The following IPMK variants were observed in gnomAD, a reference collection of about 807,000 sequenced individuals.
IPMK encodes inositol polyphosphate multikinase.
In IPMK, 17 loss-of-function variants were observed where a neutral mutation model predicts 45.8. The observed-to-expected ratio is 0.37, with a 90% CI of 0.25 to 0.56. The LOEUF (loss-of-function observed/expected upper bound fraction) is 0.56. Among genes scored for constraint, IPMK ranks in the 20% least tolerant of loss-of-function variants. The probability of loss-of-function intolerance (pLI) is 0.79; values close to 1 mark genes in which losing one functional copy is unlikely to be tolerated. For synonymous variants in IPMK, 180 were observed against 184.3 expected, an observed-to-expected ratio of 0.98 and a Z score of 0.19; for missense variants, 399 against 498.0, an observed-to-expected ratio of 0.80 and a Z score of 1.89.
At chr10:58,220,101 C>A (rs1426249545) in intron 3 of IPMK, among the ~76,000 whole-genome samples, 1 of 152,166 alleles carries the variant, frequency 6.6e-6, no homozygotes, top group African/African-American at 2.4e-5. Context: ...CTTGGTCAGT[C>A]TTGCCAATTT....
At chr10:58,224,632 C>T (rs1212330546) in intron 3 of IPMK, among the ~76,000 whole-genome samples, 1 of 152,108 alleles carries the variant, frequency 6.6e-6, no homozygotes, top group Admixed American at 6.5e-5. Context: ...TCTTATTCTT[C>T]AAATTATTAT....
In IPMK at chr10:58,193,645, A is replaced by G. The variant is rs1273045189; in HGVS notation, c.*2431T>C. On this transcript the variant is annotated 3_prime_UTR_variant, in exon 6 of 6. Transcript: ENST00000373935. ...AGTCCTTTTTAAATGAGTGTATTCCATAAGAAATACACTAAAATCATTACT... is the reference window on the plus strand; with the variant it reads ...AGTCCTTTTTAAATGAGTGTATTCCGTAAGAAATACACTAAAATCATTACT... 6.6e-6 allele frequency: 1 copy of G among 151,846 alleles called. No individual in the cohort carries two copies. Among genetic ancestry groups the G allele is most frequent in the Admixed American group, 6.6e-5 (1 of 15,252 alleles). 9.4% of individuals were successfully genotyped at this position (151,846 alleles called of 1,614,324 possible). A position where few individuals can be genotyped will look rare whatever the true frequency, so the allele number is the denominator to read the frequency against.
chr10:58,196,364 G>A lies in IPMK; in HGVS notation c.963C>T (p.His321=), dbSNP rs1329357485. 1 of 1,614,030 alleles carries A rather than the reference G, an allele frequency of 6.2e-7. No individual in the cohort carries two copies. The highest frequency in any genetic ancestry group is 1.6e-4 in the Middle Eastern group (1 of 6,062). The change falls in exon 6 of 6, where the codon CAC becomes CAT. Residue 321 remains histidine, a synonymous_variant. Transcript: ENST00000373935. ...GATGCTTTTTTGTATATATTTTCCT[G>A]TGACGCGCATACATCTTGGACAAGC... The part of the protein sequence containing the change: ...GKSLSKMYAR[H]RKIYTKKHHS...
chr10:58,215,947 G>A (rs906074142), intron 4 of IPMK, among the ~76,000 whole-genome samples, 198 bp downstream of exon 4: 3 of 151,510 alleles, frequency 2.0e-5, no homozygotes, highest in Non-Finnish European at 2.9e-5. Flanking sequence ...CCGAACCAGA[G>A]AAACTGACCA....
At chr10:58,236,594 T>C (rs775554510) in intron 2 of IPMK, among the ~76,000 whole-genome samples, 6 of 152,180 alleles carry the variant, frequency 3.9e-5, no homozygotes, top group Non-Finnish European at 8.8e-5. Context: ...TATTCACTCA[T>C]GCATTAAATT....
chr10:58,239,548 C>T (rs879348149), intron 1 of IPMK, among the ~76,000 whole-genome samples: 10 of 152,058 alleles, frequency 6.6e-5, no homozygotes, highest in South Asian at 2.1e-4. Context: ...ATCAGCCAAG[C>T]GGTAGACAAC....
At chr10:58,198,533 A>G (rs991177372) in intron 5 of IPMK, among the ~76,000 whole-genome samples, 1 of 152,224 alleles carries the variant, frequency 6.6e-6, no homozygotes, top group Non-Finnish European at 1.5e-5. Flanking sequence ...GCAAACACTA[A>G]TTGTTAAGCT....
chr10:58,200,302 A>T (rs1381038959), intron 4 of IPMK, among the ~76,000 whole-genome samples: 1 of 152,088 alleles, frequency 6.6e-6, no homozygotes, highest in Non-Finnish European at 1.5e-5. Flanking sequence ...TATTTTTAGT[A>T]GAGGTGAGGT....
At chr10:58,204,287 A>G (rs921636656) in intron 4 of IPMK, among the ~76,000 whole-genome samples, 1 of 152,214 alleles carries the variant, frequency 6.6e-6, no homozygotes, top group Non-Finnish European at 1.5e-5. Context: ...AATACGTAAC[A>G]AAAAAGTATC....
intron 1 of IPMK, among the ~76,000 whole-genome samples, chr10:58,244,433 C>A (rs1163361651): frequency 5.2e-5 from 7 of 134,674 alleles, no homozygotes; most frequent in East Asian, 2.3e-4. Context: ...CCAGCCACCC[C>A]GTCTGGGAGG....
intron 1 of IPMK, among the ~76,000 whole-genome samples, chr10:58,238,899 C>G (rs1838657085): frequency 6.6e-6 from 1 of 151,648 alleles, no homozygotes; most frequent in Non-Finnish European, 1.5e-5. Flanking sequence ...CTGGCTCACA[C>G]CTGTAATTCC....
At chr10:58,259,697 A>C (rs1839032257) in intron 1 of IPMK, among the ~76,000 whole-genome samples, 1 of 150,266 alleles carries the variant, frequency 6.7e-6, no homozygotes, top group South Asian at 2.1e-4. Flanking sequence ...ACAATTAGCC[A>C]GGCATGGTGG....
intron 1 of IPMK, among the ~76,000 whole-genome samples, chr10:58,264,989 T>C (rs1313836494): frequency 6.6e-6 from 1 of 152,214 alleles, no homozygotes; most frequent in African/African-American, 2.4e-5. Context: ...CTACTTAAAC[T>C]GAATTTTTTT....
rs1838062458 is a variant in IPMK at position 58,205,887 on chromosome 10, C to T, written c.547-6566G>A. 5.3e-5 allele frequency among the ~76,000 whole-genome samples: 8 copies of T among 152,040 alleles called. No homozygotes were observed. In the South Asian group the frequency reaches 1.7e-3, roughly 32 times the overall value. On this transcript the variant is annotated intron_variant, in intron 4 of 5. Coordinates refer to ENST00000373935, the MANE Select transcript of IPMK (RefSeq NM_152230.5). ...AAATGGTAAAGTCACTTTGGAAAAA[C>T]ACTTTGGCAGTTTCTCAAAAAGTTA...
intron 2 of IPMK, among the ~76,000 whole-genome samples, chr10:58,235,820 A>T (rs535028637): frequency 1.4e-4 from 21 of 151,904 alleles, no homozygotes; most frequent in Admixed American, 1.1e-3. Context: ...TAAAAAATTT[A>T]AAAAAAAAGA....
At chr10:58,212,560 C>A in intron 4 of IPMK, 1 of 220,532 alleles carries the variant, frequency 4.5e-6, no homozygotes, top group East Asian at 1.1e-4. Context: ...CTGAACCACC[C>A]TTAAAGAAAA....
At chr10:58,236,752 CTG>C (rs1838619215) in intron 2 of IPMK, among the ~76,000 whole-genome samples, 1 of 151,246 alleles carries the variant, frequency 6.6e-6, no homozygotes, top group East Asian at 1.9e-4. Context: ...AAAAAAAAAA[CTG>C]TTTTAAAATT....
At chr10:58,206,207 C>T (rs1213245606) in intron 4 of IPMK, among the ~76,000 whole-genome samples, 2 of 132,334 alleles carry the variant, frequency 1.5e-5, no homozygotes, top group Admixed American at 6.9e-5. Context: ...AAATACCACA[C>T]ATTGTACTGT....
chr10:58,251,747 T>C (rs554350422), intron 1 of IPMK, among the ~76,000 whole-genome samples: 101 of 152,336 alleles, frequency 6.6e-4, no homozygotes, highest in African/African-American at 2.3e-3. Flanking sequence ...TGGCCTCCTT[T>C]GTCCTCTGTA....
Sources: gnomAD v4.1 joint callset for allele counts (sites outside exome capture counted in the v4.1 genomes callset) on GRCh38, gnomAD v4.1.1 for gene constraint, MANE v1.5 for transcripts, NCBI Gene and HGNC (gene_info 2026-07-23, HGNC 2026-07-21) for gene names.